Variants in EYS observed in about 807,000 individuals in gnomAD.
EYS encodes protein eyes shut homolog.
In EYS, 250 loss-of-function variants were observed where a neutral mutation model predicts 282.1. That is an observed-to-expected ratio of 0.89 (90% CI 0.80 to 0.98). EYS has a LOEUF of 0.98. EYS is among the 50% of genes least tolerant of loss of function. EYS has a pLI of 0.00. For missense variants in EYS, 4,016 were observed against 3,709.0 expected, an observed-to-expected ratio of 1.08 and a Z score of -2.15; for synonymous variants, 1,355 against 1,282.9, an observed-to-expected ratio of 1.06 and a Z score of -1.20.
At chr6:65,605,588 G>T (rs774612128) in intron 2 of EYS, among the ~76,000 whole-genome samples, 69 of 151,752 alleles carry the variant, frequency 4.5e-4, no homozygotes, top group Non-Finnish European at 9.0e-4. Flanking sequence ...TGGATGCAAA[G>T]ATATATATCC....
At chr6:63,929,982 G>A (rs539044120) in intron 35 of EYS, among the ~76,000 whole-genome samples, 10 of 152,240 alleles carry the variant, frequency 6.6e-5, no homozygotes, top group Admixed American at 4.6e-4. Flanking sequence ...GTGTCGTCAC[G>A]TCTTATTTAC....
chr6:65,160,867 A>C (rs1288552068), intron 12 of EYS, among the ~76,000 whole-genome samples: 3 of 138,616 alleles, frequency 2.2e-5, no homozygotes. Flanking sequence ...AAAACTACCT[A>C]TCCTGTTCCT....
At chr6:65,571,874 C>T (rs1328641352) in intron 2 of EYS, among the ~76,000 whole-genome samples, 1 of 151,932 alleles carries the variant, frequency 6.6e-6, no homozygotes, top group East Asian at 1.9e-4. Flanking sequence ...TCAATTATGC[C>T]TAAATTTATC....
At chr6:65,205,023 A>AGAAGAATATATTTATATATTCTT (rs1765999126) in intron 12 of EYS, among the ~76,000 whole-genome samples, 2 of 89,166 alleles carry the variant, frequency 2.2e-5, no homozygotes, top group Non-Finnish European at 4.8e-5. Context: ...TATATATTCT[A>AGAAGAATATATTTATATATTCTT]GAAGAATATA....
intron 26 of EYS, among the ~76,000 whole-genome samples, chr6:64,500,541 G>A (rs1243638936): frequency 6.6e-6 from 1 of 152,034 alleles, no homozygotes. Context: ...AATTGTGTAG[G>A]TATGGCAAAA....
chr6:65,495,496 T>C lies in EYS; in HGVS notation c.-86A>G. 6.9e-7 allele frequency: 1 copy of C among 1,458,236 alleles called. No individual in the cohort carries two copies. The highest frequency in any genetic ancestry group is 9.4e-7 in the Non-Finnish European group (1 of 1,063,044). 90.3% of individuals were successfully genotyped at this position (1,458,236 alleles called of 1,614,324 possible). A position where few individuals can be genotyped will look rare whatever the true frequency, so the allele number is the denominator to read the frequency against. On this transcript the variant is annotated 5_prime_UTR_variant, in exon 4 of 43. Coordinates refer to ENST00000503581, the MANE Select transcript of EYS (RefSeq NM_001142800.2). ...TATTACCGGAAATTTCCAAGTAAAG[T>C]TGTGGTTAAGGATTCCTGGGAATTG...
chr6:65,215,981 A>G (rs778641166), intron 12 of EYS, among the ~76,000 whole-genome samples: 2 of 152,208 alleles, frequency 1.3e-5, no homozygotes, highest in Non-Finnish European at 2.9e-5. Context: ...TATATGCACT[A>G]GAGAACAAAA....
At chr6:64,423,392 T>A (rs965355527) in intron 28 of EYS, among the ~76,000 whole-genome samples, 2 of 152,228 alleles carry the variant, frequency 1.3e-5, no homozygotes, top group African/African-American at 2.4e-5. Flanking sequence ...ACATTTTAAC[T>A]ATAAGTTTAG....
At chr6:64,880,930 A>G (rs951404736) in intron 19 of EYS, among the ~76,000 whole-genome samples, 19 of 151,342 alleles carry the variant, frequency 1.3e-4, no homozygotes, top group Non-Finnish European at 2.4e-4. Context: ...TATATAAAAT[A>G]AATGTGAATA....
intron 24 of EYS, among the ~76,000 whole-genome samples, chr6:64,603,595 G>GT (rs1766829081): frequency 6.6e-6 from 1 of 152,006 alleles, no homozygotes; most frequent in East Asian, 1.9e-4. Context: ...TACAAACCCT[G>GT]TGATCTACAA....
intron 4 of EYS, chr6:65,491,720 G>C (rs1296115775): frequency 3.5e-6 from 1 of 289,590 alleles, no homozygotes; most frequent in Non-Finnish European, 6.9e-6. Flanking sequence ...AACTTAGTGA[G>C]TTTTATGAGC....
At chr6:65,651,487 T>C (rs1379787620) in intron 1 of EYS, among the ~76,000 whole-genome samples, 1 of 151,984 alleles carries the variant, frequency 6.6e-6, no homozygotes, top group South Asian at 2.1e-4. Context: ...TTTCTTTGAG[T>C]CCTAGGTTTA....
chr6:65,686,206 A>T (rs899795216), intron 1 of EYS, among the ~76,000 whole-genome samples: 3 of 151,974 alleles, frequency 2.0e-5, no homozygotes, highest in Admixed American at 1.3e-4. Flanking sequence ...AGAGGTCTTT[A>T]TTTAGACTGT....
intron 31 of EYS, among the ~76,000 whole-genome samples, chr6:64,109,751 T>C (rs1328738257): frequency 6.6e-6 from 1 of 152,156 alleles, no homozygotes; most frequent in East Asian, 1.9e-4. Flanking sequence ...TTGCTACCAC[T>C]TACATGCCTG....
At chr6:64,094,435 C>T (rs1375814583) in intron 31 of EYS, among the ~76,000 whole-genome samples, 1 of 152,116 alleles carries the variant, frequency 6.6e-6, no homozygotes, top group Non-Finnish European at 1.5e-5. Flanking sequence ...ATTTCAGCTC[C>T]TGTTATTGGT....
chr6:64,258,426 T>C (rs539161566), intron 30 of EYS, among the ~76,000 whole-genome samples: 60 of 152,118 alleles, frequency 3.9e-4, no homozygotes, highest in Admixed American at 3.7e-3. Context: ...TCCATACTGT[T>C]TAATACAAAT....
chr6:64,322,371 G>A (rs1304065983), intron 29 of EYS, among the ~76,000 whole-genome samples: 1 of 152,020 alleles, frequency 6.6e-6, no homozygotes, highest in Non-Finnish European at 1.5e-5. Context: ...TAAGGAAATA[G>A]ACTGATAGAT....
chr6:64,676,461 T>C (rs1456701169), intron 22 of EYS, among the ~76,000 whole-genome samples: 2 of 151,738 alleles, frequency 1.3e-5, no homozygotes, highest in African/African-American at 2.4e-5. Context: ...CTTTTTAAAA[T>C]AACTTATTCT....
chr6:63,843,855 C>T (rs1026100636), intron 36 of EYS, among the ~76,000 whole-genome samples: 1 of 152,136 alleles, frequency 6.6e-6, no homozygotes, highest in Non-Finnish European at 1.5e-5. Flanking sequence ...AACCTCTTCA[C>T]CTTTTATTTT....
Sources: gnomAD v4.1 joint callset for allele counts (sites outside exome capture counted in the v4.1 genomes callset) on GRCh38, gnomAD v4.1.1 for gene constraint, MANE v1.5 for transcripts, NCBI Gene and HGNC (gene_info 2026-07-23, HGNC 2026-07-21) for gene names.